The following SGCZ variants were observed in gnomAD, a reference collection of about 807,000 sequenced individuals.
The protein encoded by SGCZ is zeta-sarcoglycan.
A neutral mutation model predicts 41.3 loss-of-function variants in SGCZ; 40 were observed. That is an observed-to-expected ratio of 0.97 (90% CI 0.75 to 1.26). SGCZ has a LOEUF of 1.26. Ranked by LOEUF, SGCZ falls within the 50% of genes most tolerant of loss-of-function variation. The pLI is 0.00. For synonymous variants in SGCZ, 206 were observed against 137.5 expected (o/e 1.50, Z -3.49); for missense variants, 552 against 369.8 (o/e 1.49, Z -4.04).
rs7826181 is a variant in SGCZ, at chr8:14,693,855, G to C, written c.40-138929C>G. Among the ~76,000 whole-genome samples the C allele has an allele frequency of 2.1e-3, 322 of 152,196 alleles. 1 individual carries two copies. Among genetic ancestry groups the C allele is most frequent in the Middle Eastern group, 6.8e-3 (2 of 294 alleles). ...GATCCGCCCACCTCAGCCTCCCAAA[G>C]TGCTGGGATTATAGGCCTGAGCCAC... On this transcript the variant is annotated intron_variant, in intron 1 of 7. Transcript: ENST00000382080.
At chr8:14,811,275 A>C (rs1001769405) in intron 1 of SGCZ, among the ~76,000 whole-genome samples, 4 of 151,990 alleles carry the variant, frequency 2.6e-5, no homozygotes, top group African/African-American at 9.7e-5. Context: ...ACTTACAATA[A>C]AAATTTATTC....
intron 1 of SGCZ, among the ~76,000 whole-genome samples, chr8:15,095,233 G>C (rs1281044965): frequency 2.0e-5 from 3 of 151,940 alleles, no homozygotes; most frequent in African/African-American, 4.8e-5. Context: ...CAAGTAACTG[G>C]GATTACAGTC....
intron 4 of SGCZ, among the ~76,000 whole-genome samples, chr8:14,232,229 T>C (rs988507490): frequency 5.3e-5 from 8 of 151,914 alleles, no homozygotes; most frequent in Non-Finnish European, 1.0e-4. Context: ...TTGAAACCTT[T>C]ATTGTGGCCC....
intron 1 of SGCZ, among the ~76,000 whole-genome samples, chr8:14,978,398 G>A (rs1311053186): frequency 8.4e-6 from 1 of 118,480 alleles, no homozygotes; most frequent in African/African-American, 4.4e-5. Flanking sequence ...TTAAACCTGG[G>A]AGGTGGAGGT....
intron 2 of SGCZ, among the ~76,000 whole-genome samples, chr8:14,427,801 C>A (rs1015206375): frequency 2.6e-5 from 4 of 152,034 alleles, no homozygotes; most frequent in African/African-American, 9.7e-5. Context: ...AGTAATAAGC[C>A]ACACAGTTGG....
chr8:15,032,426 G>T (rs1803707456), intron 1 of SGCZ, among the ~76,000 whole-genome samples: 1 of 152,148 alleles, frequency 6.6e-6, no homozygotes, highest in African/African-American at 2.4e-5. Flanking sequence ...GGAGAGTGAA[G>T]AGAGAGCCAC....
chr8:14,561,067 G>GT (rs1804194244), intron 1 of SGCZ, among the ~76,000 whole-genome samples: 1 of 151,976 alleles, frequency 6.6e-6, no homozygotes, highest in Non-Finnish European at 1.5e-5. Context: ...AAATCTGAGT[G>GT]TTTTTCAAGA....
At chr8:14,136,044 A>G (rs775216843) in intron 5 of SGCZ, among the ~76,000 whole-genome samples, 1 of 152,212 alleles carries the variant, frequency 6.6e-6, no homozygotes, top group African/African-American at 2.4e-5. Context: ...CTATAGACCA[A>G]TATTGCACAT....
At chr8:14,107,591 A>C (rs2116999098) in intron 6 of SGCZ, among the ~76,000 whole-genome samples, 1 of 152,040 alleles carries the variant, frequency 6.6e-6, no homozygotes, top group East Asian at 1.9e-4. Context: ...CACACATTTC[A>C]TTATATATGT....
At chr8:14,605,215 T>C (rs565815412) in intron 1 of SGCZ, among the ~76,000 whole-genome samples, 1 of 152,270 alleles carries the variant, frequency 6.6e-6, no homozygotes, top group Non-Finnish European at 1.5e-5. Flanking sequence ...CATTAAAAAT[T>C]ACGTCTAGTA....
In SGCZ at chr8:15,175,653, G is replaced by A. The variant is rs145148731; in HGVS notation, c.39+61932C>T. 1.9e-3 allele frequency among the ~76,000 whole-genome samples: 288 copies of A among 152,186 alleles called. 2 individuals are homozygous for A. The highest frequency in any genetic ancestry group is 6.6e-3 in the African/African-American group (275 of 41,540). On this transcript the variant is annotated intron_variant, in intron 1 of 7. Transcript: ENST00000382080. ...ACCCCCGTGACACACATTTACTCAT[G>A]TAACAAACCTGCACATCCTGCACAT...
intron 6 of SGCZ, among the ~76,000 whole-genome samples, chr8:14,107,945 A>G (rs1460913791): frequency 2.6e-5 from 4 of 151,986 alleles, no homozygotes; most frequent in Non-Finnish European, 5.9e-5. Context: ...GCCCGGCCTC[A>G]GGATCCCTGT....
At chr8:14,914,817 T>C (rs1190331997) in intron 1 of SGCZ, among the ~76,000 whole-genome samples, 1 of 152,206 alleles carries the variant, frequency 6.6e-6, no homozygotes, top group Admixed American at 6.5e-5. Context: ...GGAGAGCTAC[T>C]GTGGGAAAGA....
At chr8:14,198,520 T>C (rs1188983978) in intron 4 of SGCZ, among the ~76,000 whole-genome samples, 1 of 152,140 alleles carries the variant, frequency 6.6e-6, no homozygotes, top group African/African-American at 2.4e-5. Flanking sequence ...ATCCATTCAG[T>C]TGTAGTACAA....
intron 2 of SGCZ, among the ~76,000 whole-genome samples, chr8:14,432,527 G>A (rs955195062): frequency 4.6e-5 from 7 of 152,268 alleles, no homozygotes; most frequent in Admixed American, 2.0e-4. Flanking sequence ...GGGACTCAGG[G>A]TAAAGGGTGA....
chr8:14,664,054 T>C (rs887562632), intron 1 of SGCZ, among the ~76,000 whole-genome samples: 18 of 152,170 alleles, frequency 1.2e-4, no homozygotes, highest in Admixed American at 6.5e-5. Context: ...AGCTCTCTGA[T>C]AGAGCTAAGT....
chr8:15,088,815 G>C (rs985630031), intron 1 of SGCZ, among the ~76,000 whole-genome samples: 7 of 152,056 alleles, frequency 4.6e-5, no homozygotes, highest in African/African-American at 1.4e-4. Flanking sequence ...AAAACAATCA[G>C]ATAAATAGGC....
intron 1 of SGCZ, among the ~76,000 whole-genome samples, chr8:15,234,564 G>A (rs78119621): frequency 7.2e-6 from 1 of 139,314 alleles, no homozygotes; most frequent in South Asian, 2.3e-4. Context: ...TCATTAGCAA[G>A]TTTTACACAC....
At chr8:15,052,309 G>T (rs1014650418) in intron 1 of SGCZ, among the ~76,000 whole-genome samples, 2 of 152,208 alleles carry the variant, frequency 1.3e-5, no homozygotes, top group African/African-American at 4.8e-5. Flanking sequence ...AGCTTTCAGT[G>T]AAATGAAGAA....
Sources: gnomAD v4.1 joint callset for allele counts (sites outside exome capture counted in the v4.1 genomes callset) on GRCh38, gnomAD v4.1.1 for gene constraint, MANE v1.5 for transcripts, NCBI Gene and HGNC (gene_info 2026-07-23, HGNC 2026-07-21) for gene names.